Variants in PRKN observed in about 807,000 individuals in gnomAD.
The protein encoded by PRKN is E3 ubiquitin-protein ligase parkin.
In PRKN, 56 loss-of-function variants were observed where a neutral mutation model predicts 59.5. The observed-to-expected ratio is 0.94, with a 90% CI of 0.76 to 1.18. The LOEUF is 1.18. Among genes scored for constraint, PRKN ranks in the 50% most tolerant of loss-of-function variants. The pLI, the probability that PRKN is intolerant of heterozygous loss-of-function variation, is 0.00. For missense variants in PRKN, 657 were observed against 596.4 expected, an observed-to-expected ratio of 1.10 and a Z score of -1.06; for synonymous variants, 250 against 222.1, an observed-to-expected ratio of 1.13 and a Z score of -1.12.
At chr6:162,305,745 A>G (rs1782193408) in intron 2 of PRKN, among the ~76,000 whole-genome samples, 1 of 152,114 alleles carries the variant, frequency 6.6e-6, no homozygotes, top group Admixed American at 6.5e-5. Flanking sequence ...ATTTTGGTGT[A>G]TTTTAAAGTA....
At chr6:162,330,549 G>A (rs925211371) in intron 2 of PRKN, among the ~76,000 whole-genome samples, 4 of 152,166 alleles carry the variant, frequency 2.6e-5, no homozygotes, top group African/African-American at 7.2e-5. Flanking sequence ...CAGGGCATCC[G>A]TTGTTCCTGC....
chr6:162,353,300 C>A (rs937215820), intron 2 of PRKN, among the ~76,000 whole-genome samples: 1 of 151,676 alleles, frequency 6.6e-6, no homozygotes, highest in Non-Finnish European at 1.5e-5. Context: ...TAAGCAATAA[C>A]CAAATCTAAT....
In PRKN at chr6:161,467,034, C is replaced by CA. The variant is rs1423677851; in HGVS notation, c.1084-80158dup. Among the ~76,000 whole-genome samples, 2 of 152,224 alleles carry CA rather than the reference C, an allele frequency of 1.3e-5. No homozygotes were observed. Among genetic ancestry groups the CA allele is most frequent in the African/African-American group, 2.4e-5 (1 of 41,474 alleles). On this transcript the variant is annotated intron_variant, in intron 9 of 11. Transcript: ENST00000366898. This position sits in a 1 kb window ranked among gnomAD's most constrained non-coding sequence, Gnocchi z 4.3. ...CAACTTCTCTCTGCAGAATGTTCTACATCCCAGAAACCAGGATTGTTTGCC... is the reference window on the plus strand; with the variant it reads ...CAACTTCTCTCTGCAGAATGTTCTACAATCCCAGAAACCAGGATTGTTTGCC...
At chr6:161,690,576 G>A (rs895499344) in intron 7 of PRKN, among the ~76,000 whole-genome samples, 4 of 152,290 alleles carry the variant, frequency 2.6e-5, no homozygotes, top group East Asian at 1.9e-4. Context: ...GGTTGTGTCC[G>A]TGAGGGTGTT....
chr6:162,179,972 G>C (rs1297726781), intron 4 of PRKN, among the ~76,000 whole-genome samples: 1 of 31,864 alleles, frequency 3.1e-5, no homozygotes, highest in African/African-American at 7.2e-5. Flanking sequence ...TTATTACTGT[G>C]TGTGTGTGTG....
rs1778001923 is a variant in PRKN, at chr6:161,502,591, A to G, written c.1083+46263T>C. On this transcript the variant is annotated intron_variant, in intron 9 of 11. Coordinates refer to ENST00000366898, the MANE Select transcript of PRKN (RefSeq NM_004562.3). The surrounding 1 kb of genome is among the most constrained non-coding windows in gnomAD (Gnocchi z 4.0). ...ATTGACTGGTAGGGATGAGGATAGT[A>G]AGAGTATCCTGAAGGAGGGGACCAG... Among the ~76,000 whole-genome samples the G allele has an allele frequency of 6.6e-6, 1 of 152,148 alleles. No homozygotes were observed. Among genetic ancestry groups the G allele is most frequent in the African/African-American group, 2.4e-5 (1 of 41,438 alleles).
At chr6:162,672,084 TG>T (rs1484245772) in intron 1 of PRKN, among the ~76,000 whole-genome samples, 1 of 152,152 alleles carries the variant, frequency 6.6e-6, no homozygotes, top group African/African-American at 2.4e-5. Flanking sequence ...GAACTTAATG[TG>T]GTAGAGACTC....
At chr6:161,782,478 T>C (rs575187535) in intron 7 of PRKN, among the ~76,000 whole-genome samples, 16 of 152,314 alleles carry the variant, frequency 1.1e-4, no homozygotes, top group South Asian at 8.3e-4. Context: ...ATTTATTATT[T>C]ACCTTTGGGA....
chr6:162,529,123 C>T, intron 1 of PRKN, among the ~76,000 whole-genome samples: 1 of 152,154 alleles, frequency 6.6e-6, no homozygotes, highest in Non-Finnish European at 1.5e-5. Flanking sequence ...ATCTGCCCAC[C>T]TCGGTCTCCT....
intron 1 of PRKN, among the ~76,000 whole-genome samples, chr6:162,617,255 G>A (rs1172225550): frequency 2.0e-5 from 3 of 151,872 alleles, no homozygotes; most frequent in African/African-American, 7.3e-5. Context: ...TTTTTGAGAC[G>A]GAGTCACACT....
intron 2 of PRKN, among the ~76,000 whole-genome samples, chr6:162,326,848 A>C (rs9356003): frequency 0.14 from 20,957 of 152,170 alleles, 2,391 homozygotes; most frequent in East Asian, 0.49. Context: ...TGAAAACAAC[A>C]ACTGACAATG....
chr6:161,600,398 G>A (rs1377166310), intron 7 of PRKN, among the ~76,000 whole-genome samples: 1 of 152,128 alleles, frequency 6.6e-6, no homozygotes, highest in East Asian at 1.9e-4. Context: ...CTGAGTCAGT[G>A]ATTCTGATGG....
chr6:162,079,916 A>C (rs111319713), intron 4 of PRKN, among the ~76,000 whole-genome samples: 56 of 152,246 alleles, frequency 3.7e-4, no homozygotes, highest in African/African-American at 1.2e-3. Context: ...ATGAATTCTC[A>C]ACTTTCTCAA....
At chr6:162,373,263 T>C (rs551171847) in intron 2 of PRKN, among the ~76,000 whole-genome samples, 1 of 152,172 alleles carries the variant, frequency 6.6e-6, no homozygotes, top group African/African-American at 2.4e-5. Flanking sequence ...TTGAGAAAAA[T>C]TTGGCTATGT....
At chr6:161,617,179 A>G (rs567726000) in intron 7 of PRKN, among the ~76,000 whole-genome samples, 1 of 152,100 alleles carries the variant, frequency 6.6e-6, no homozygotes, top group South Asian at 2.1e-4. Context: ...GCTTTTTTTC[A>G]TATGCTTGTT....
intron 5 of PRKN, among the ~76,000 whole-genome samples, chr6:161,977,063 G>T (rs1781060443): frequency 6.6e-6 from 1 of 152,184 alleles, no homozygotes; most frequent in Admixed American, 6.5e-5. Flanking sequence ...TGCCTCAACA[G>T]TAAATTTCAG....
chr6:162,490,902 G>T (rs1792779741), intron 1 of PRKN, among the ~76,000 whole-genome samples: 1 of 152,150 alleles, frequency 6.6e-6, no homozygotes, highest in Admixed American at 6.5e-5. Flanking sequence ...GGGAAGCCAA[G>T]GAGGGTGGAT....
chr6:162,443,289 CG>C lies in PRKN; in HGVS notation c.171+20del, dbSNP rs529531705. On this transcript the variant is annotated intron_variant, in intron 2 of 11. Transcript: ENST00000366898. Reference sequence around the variant, plus strand: ...AATGGAGCTGGCGGCATCCCAAGAACGGCCGCCAAGGGAGACTCACCTGCAC... The same window carrying C: ...AATGGAGCTGGCGGCATCCCAAGAACGCCGCCAAGGGAGACTCACCTGCAC... 2.9e-4 allele frequency: 467 copies of C among 1,611,570 alleles called. 1 individual carries two copies. The African/African-American group carries it at 4.3e-3, about 15-fold the overall frequency.
chr6:162,110,255 A>C (rs1484984027), intron 4 of PRKN, among the ~76,000 whole-genome samples: 1 of 152,228 alleles, frequency 6.6e-6, no homozygotes, highest in Non-Finnish European at 1.5e-5. Context: ...TGAACTCATT[A>C]ATGCACACAG....
Sources: gnomAD v4.1 joint callset for allele counts (sites outside exome capture counted in the v4.1 genomes callset) on GRCh38, gnomAD v4.1.1 for gene constraint, Gnocchi (gnomAD v3.1) non-coding constraint, MANE v1.5 for transcripts, NCBI Gene and HGNC (gene_info 2026-07-23, HGNC 2026-07-21) for gene names.